PKP2: variants seen among roughly 807,000 people sequenced by gnomAD.
PKP2 encodes the protein plakophilin-2.
In PKP2, 73 loss-of-function variants were observed where a neutral mutation model predicts 83.4. The observed-to-expected ratio is 0.88, with a 90% CI of 0.72 to 1.06. The LOEUF (loss-of-function observed/expected upper bound fraction) is 1.06. Ranked by LOEUF, PKP2 falls within the 50% of genes least tolerant of loss-of-function variation. PKP2 has a pLI of 0.00. For missense variants in PKP2, 966 were observed against 1,065.4 expected, an observed-to-expected ratio of 0.91 and a Z score of 1.30; for synonymous variants, 409 against 430.4, an observed-to-expected ratio of 0.95 and a Z score of 0.62.
chr12:32,837,859 A>G (rs1956556566), intron 6 of PKP2, among the ~76,000 whole-genome samples: 1 of 152,188 alleles, frequency 6.6e-6, no homozygotes, highest in Non-Finnish European at 1.5e-5. Context: ...TTCTTCCCAC[A>G]AAAATTATCA....
Position 32,878,394 on chromosome 12 carries a change from C to A in PKP2, c.486G>T (p.Thr162=), listed in dbSNP as rs189040311. 4 of 1,613,962 alleles carry A rather than the reference C, an allele frequency of 2.5e-6. No homozygotes were observed. The highest frequency in any genetic ancestry group is 3.4e-6 in the Non-Finnish European group (4 of 1,179,966). The part of the protein sequence containing the change: ...PDSSPERAHY[T]HSDYQYSQRS... ...TCTGGCTGTACTGGTAATCGCTGTG[C>A]GTGTAGTGAGCCCTCTCCGGGCTGC... Residue 162 remains threonine, a synonymous_variant, in exon 3 of 13, where the codon ACG becomes ACT. Coordinates refer to ENST00000340811, the MANE Select transcript of PKP2 (RefSeq NM_001005242.3).
At chr12:32,857,953 T>G (rs1345020231) in intron 4 of PKP2, among the ~76,000 whole-genome samples, 3 of 147,670 alleles carry the variant, frequency 2.0e-5, no homozygotes, top group Non-Finnish European at 4.5e-5. Flanking sequence ...TAGGCCCTGG[T>G]GTGGTGGCTC....
intron 11 of PKP2, among the ~76,000 whole-genome samples, 155 bp downstream of exon 11, chr12:32,795,954 C>G (rs1956116530): frequency 6.6e-6 from 1 of 152,180 alleles, no homozygotes. Context: ...TGGCTGATCA[C>G]TGAGGGCTGA....
Position 32,865,681 on chromosome 12 carries a change from C to CAAAAAAAAAAAAAAAAAAAAAAAAAAAA in PKP2, c.1170+3245_1170+3246insTTTTTTTTTTTTTTTTTTTTTTTTTTTT, listed in dbSNP as rs765071380. Among the ~76,000 whole-genome samples the CAAAAAAAAAAAAAAAAAAAAAAAAAAAA allele has an allele frequency of 5.0e-4, 52 of 103,608 alleles. 4 individuals are homozygous for CAAAAAAAAAAAAAAAAAAAAAAAAAAAA. Among genetic ancestry groups the CAAAAAAAAAAAAAAAAAAAAAAAAAAAA allele is most frequent in the African/African-American group, 2.8e-3 (50 of 17,834 alleles). The allele number at this position is 103,608 out of a possible 152,430, so 68.0% of individuals were successfully genotyped here. On this transcript the variant is annotated intron_variant, in intron 4 of 12. Coordinates refer to ENST00000340811, the MANE Select transcript of PKP2 (RefSeq NM_001005242.3). ...TGTCTGGAACAGAGTGACTCCGTCT[C>CAAAAAAAAAAAAAAAAAAAAAAAAAAAA]AAAAAAAAAAAGACAAATAGATCAA...
chr12:32,865,547 A>G (rs1223866611), intron 4 of PKP2, among the ~76,000 whole-genome samples: 1 of 150,846 alleles, frequency 6.6e-6, no homozygotes, highest in Non-Finnish European at 1.5e-5. Context: ...TTAGCCATGT[A>G]TGGTGACACA....
chr12:32,877,961 T>A lies in PKP2; in HGVS notation c.919A>T (p.Ser307Cys). Residue 307 changes from serine to cysteine, a missense_variant, in exon 3 of 13, where the codon AGT becomes TGT. Transcript: ENST00000340811. ...STRTLREAGPSVAVDSSGRRA... is the reference protein window; with the variant it reads ...STRTLREAGPCVAVDSSGRRA... Reference sequence around the variant, plus strand: ...CTCCCGCTGGAATCCACGGCGACACTGGGCCCAGCTTCCCTCAGCGTGCGG... The same window carrying A: ...CTCCCGCTGGAATCCACGGCGACACAGGGCCCAGCTTCCCTCAGCGTGCGG... 6.2e-7 allele frequency: 1 copy of A among 1,614,162 alleles called. No individual in the cohort carries two copies.
intron 5 of PKP2, among the ~76,000 whole-genome samples, chr12:32,847,381 T>C (rs994311131): frequency 2.0e-5 from 3 of 152,232 alleles, no homozygotes; most frequent in Non-Finnish European, 2.9e-5. Flanking sequence ...TGCTGCACAA[T>C]CAACTTCCAT....
chr12:32,855,991 A>G (rs1956744376), intron 4 of PKP2, among the ~76,000 whole-genome samples: 2 of 152,116 alleles, frequency 1.3e-5, no homozygotes, highest in Admixed American at 6.5e-5. Flanking sequence ...AAAGAAAGCT[A>G]CATATGCAAT....
intron 5 of PKP2, among the ~76,000 whole-genome samples, chr12:32,847,801 A>G (rs1160408477): frequency 2.0e-5 from 3 of 152,134 alleles, no homozygotes; most frequent in African/African-American, 4.8e-5. Flanking sequence ...AAACTAGTAG[A>G]TGGAGAAACA....
At chr12:32,851,046 C>A in intron 4 of PKP2, 73 bp from the exon 5 acceptor site, 1 of 1,233,582 alleles carries the variant, frequency 8.1e-7, no homozygotes, top group Non-Finnish European at 1.2e-6. Flanking sequence ...GTAATACAAA[C>A]AGATGAAGTT....
At chr12:32,843,130 C>G (rs183498464) in intron 5 of PKP2, 71 of 422,280 alleles carry the variant, frequency 1.7e-4, no homozygotes, top group African/African-American at 1.3e-3. Context: ...CAGGCGCAGA[C>G]CACGACACCC....
intron 1 of PKP2, among the ~76,000 whole-genome samples, chr12:32,891,349 C>A (rs1041520841): frequency 2.0e-5 from 3 of 152,050 alleles, no homozygotes; most frequent in Non-Finnish European, 4.4e-5. Flanking sequence ...TATTATATTT[C>A]ATTACTATCA....
intron 9 of PKP2, among the ~76,000 whole-genome samples, chr12:32,804,744 T>C (rs563079530): frequency 1.3e-5 from 2 of 152,358 alleles, no homozygotes; most frequent in Non-Finnish European, 2.9e-5. Flanking sequence ...CTATTGTGAA[T>C]AGTGCTGCAA....
intron 1 of PKP2, among the ~76,000 whole-genome samples, chr12:32,884,121 A>ACCTTTGT (rs1004243269): frequency 2.6e-5 from 4 of 152,208 alleles, no homozygotes; most frequent in African/African-American, 9.6e-5. Flanking sequence ...GATCAGGCCC[A>ACCTTTGT]CCTTTGTCTC....
chr12:32,856,557 A>G (rs1049710940), intron 4 of PKP2, among the ~76,000 whole-genome samples: 12 of 152,056 alleles, frequency 7.9e-5, no homozygotes, highest in African/African-American at 2.9e-4. Flanking sequence ...GAACAATGAG[A>G]ACACATGGAC....
At chr12:32,803,809 A>C (rs1467261194) in intron 9 of PKP2, among the ~76,000 whole-genome samples, 1 of 152,234 alleles carries the variant, frequency 6.6e-6, no homozygotes, top group Non-Finnish European at 1.5e-5. Flanking sequence ...AATATTTGTA[A>C]TAATTCTGTG....
chr12:32,889,643 ATG>A (rs1270658326), intron 1 of PKP2, among the ~76,000 whole-genome samples: 1 of 152,226 alleles, frequency 6.6e-6, no homozygotes, highest in Non-Finnish European at 1.5e-5. Flanking sequence ...TGGAACTAAA[ATG>A]TGAGTATGAT....
At position 32,796,317 on chromosome 12, in the gene PKP2, A is replaced by AC. The variant is rs1565572454; in HGVS notation, c.2168-20_2168-19insG. 6.6e-7 allele frequency: 1 copy of AC among 1,526,472 alleles called. No individual in the cohort carries two copies. Among genetic ancestry groups the AC allele is most frequent in the Non-Finnish European group, 8.9e-7 (1 of 1,119,462 alleles). The allele number at this position is 1,526,472 out of a possible 1,614,324, so 94.6% of individuals were successfully genotyped here. A position where few individuals can be genotyped will look rare whatever the true frequency, so the allele number is the denominator to read the frequency against. ...TCTTTGGCTACAAAATGAAAAAAAA[A>AC]ACAAAACACTTGATTAAAAAGATTG... On this transcript the variant is annotated intron_variant, in intron 10 of 12. Transcript: ENST00000340811.
At chr12:32,841,478 C>A (rs986921900) in intron 5 of PKP2, among the ~76,000 whole-genome samples, 3 of 152,288 alleles carry the variant, frequency 2.0e-5, no homozygotes, top group African/African-American at 7.2e-5. Context: ...GCCAGACATG[C>A]TTAAGCATTT....
Sources: gnomAD v4.1 joint callset for allele counts (sites outside exome capture counted in the v4.1 genomes callset) on GRCh38, gnomAD v4.1.1 for gene constraint, MANE v1.5 for transcripts, NCBI Gene and HGNC (gene_info 2026-07-23, HGNC 2026-07-21) for gene names.